The following EXOG variants were observed in gnomAD, a reference collection of about 807,000 sequenced individuals.
EXOG encodes exo/endonuclease G, also known as nuclease EXOG, mitochondrial.
Under a neutral mutation model 25.8 loss-of-function variants are expected in EXOG, and 27 were observed. The observed-to-expected ratio is 1.05, with a 90% CI of 0.77 to 1.45. The LOEUF (loss-of-function observed/expected upper bound fraction) is 1.45, where lower values mean the gene tolerates loss of function less well. Among genes scored for constraint, EXOG ranks in the 40% most tolerant of loss-of-function variants. The pLI is 0.00. For synonymous variants in EXOG, 133 were observed against 167.0 expected (o/e 0.80, Z 1.57); for missense variants, 458 against 450.5 (o/e 1.02, Z -0.15).
At chr3:38,497,985 C>A in intron 2 of EXOG, 1 of 543,444 alleles carries the variant, frequency 1.8e-6, no homozygotes, top group Non-Finnish European at 3.1e-6. Context: ...CTGAAAATAC[C>A]CATATCTTGA....
intron 2 of EXOG, among the ~76,000 whole-genome samples, chr3:38,500,824 C>A (rs576282307): frequency 1.3e-5 from 2 of 152,174 alleles, no homozygotes; most frequent in African/African-American, 4.8e-5. Flanking sequence ...GAGCTCATAA[C>A]TTAAATGTTT....
chr3:38,506,946 GA>G lies in EXOG; in HGVS notation c.626del (p.Lys209ArgfsTer3). 1 of 1,551,444 alleles carries G rather than the reference GA, an allele frequency of 6.4e-7. No homozygotes were observed. The highest frequency in any genetic ancestry group is 8.9e-7 in the Non-Finnish European group (1 of 1,123,580). On this transcript the variant is annotated frameshift_variant, in exon 5 of 6. Coordinates refer to ENST00000287675, the MANE Select transcript of EXOG (RefSeq NM_005107.4). LOFTEE classifies it low-confidence loss of function (END_TRUNC). ...ACCTTACCTCAGACTAGAGGCGATGGAAAGAAAATAGTTAGTTACCAGGTAA... is the reference window on the plus strand; with the variant it reads ...ACCTTACCTCAGACTAGAGGCGATGGAAGAAAATAGTTAGTTACCAGGTAA... Reference protein sequence around the residue: ...PLTLPQTRGDGKKIVSYQVIG... With the variant: ...PLTLPQTRGDXKKIVSYQVIG...
chr3:38,524,612 C>A lies in EXOG; in HGVS notation c.*250C>A. The A allele has an allele frequency of 1.7e-6, 2 of 1,168,578 alleles. No homozygotes were observed. The highest frequency in any genetic ancestry group is 2.1e-6 in the Non-Finnish European group (2 of 947,282). 72.4% of individuals were successfully genotyped at this position (1,168,578 alleles called of 1,614,324 possible). ...CTGGGACTACAGGCACACACCATCA[C>A]CCTCAGCTACTAGTGGCTTTGCTTT... On this transcript the variant is annotated 3_prime_UTR_variant, in exon 6 of 6. Coordinates refer to ENST00000287675, the MANE Select transcript of EXOG (RefSeq NM_005107.4).
rs931827010 is a variant in EXOG, at chr3:38,525,708, C to T, written c.*1346C>T. On this transcript the variant is annotated 3_prime_UTR_variant, in exon 6 of 6. Transcript: ENST00000287675. ...CTATAATCTCAGCACTTTGGGAAAT[C>T]GAGGTGGGTGGATCGCTTGAGCCCA... 9.4e-5 allele frequency: 79 copies of T among 844,806 alleles called. No individual in the cohort carries two copies. The highest frequency in any genetic ancestry group is 1.2e-4 in the East Asian group (1 of 8,156). 52.3% of individuals were successfully genotyped at this position (844,806 alleles called of 1,614,324 possible).
chr3:38,521,695 C>T (rs778511083), intron 5 of EXOG, among the ~76,000 whole-genome samples: 1 of 152,180 alleles, frequency 6.6e-6, no homozygotes, highest in African/African-American at 2.4e-5. Context: ...CATCTGTGCC[C>T]TCAGTTCTGG....
chr3:38,523,840 G>GA, intron 5 of EXOG, 61 bp from the exon 6 acceptor site: 1 of 1,222,648 alleles, frequency 8.2e-7, no homozygotes, highest in Non-Finnish European at 1.1e-6. Context: ...GTATTTTTCA[G>GA]AAAAAATTTG....
chr3:38,514,664 A>G (rs980141277), intron 5 of EXOG, among the ~76,000 whole-genome samples: 2 of 151,998 alleles, frequency 1.3e-5, no homozygotes, highest in South Asian at 2.1e-4. Context: ...AGTCATCTAT[A>G]TATCTGTCCT....
chr3:38,501,540 T>C, intron 3 of EXOG, 46 bp downstream of exon 3: 2 of 1,567,952 alleles, frequency 1.3e-6, no homozygotes, highest in African/African-American at 2.7e-5. Context: ...GCTGATGTTA[T>C]GCATACAACA....
intron 2 of EXOG, 81 bp downstream of exon 2, chr3:38,497,859 AT>A: frequency 6.7e-7 from 1 of 1,486,004 alleles, no homozygotes; most frequent in Non-Finnish European, 9.1e-7. Flanking sequence ...GATTATTAAT[AT>A]TCTCAACCTT....
chr3:38,497,471 A>C (rs1439694349), intron 1 of EXOG, 158 bp from the exon 2 acceptor site: 2 of 1,356,690 alleles, frequency 1.5e-6, no homozygotes, highest in African/African-American at 3.0e-5. Flanking sequence ...AGTAATTGCA[A>C]AAATGAGATT....
At chr3:38,499,472 G>A (rs1052449717) in intron 2 of EXOG, among the ~76,000 whole-genome samples, 1 of 152,124 alleles carries the variant, frequency 6.6e-6, no homozygotes, top group African/African-American at 2.4e-5. Context: ...CAATAAAATA[G>A]AGCCAATTAA....
chr3:38,500,813 G>A (rs1559675113), intron 2 of EXOG, among the ~76,000 whole-genome samples: 2 of 152,178 alleles, frequency 1.3e-5, no homozygotes, highest in African/African-American at 4.8e-5. Context: ...ATTTCTGGGT[G>A]GAGCTCATAA....
Position 38,501,453 on chromosome 3 carries a change from C to T in EXOG, c.412C>T (p.Arg138Ter), listed in dbSNP as rs756034502. 3.1e-5 allele frequency: 50 copies of T among 1,613,688 alleles called. 1 individual carries two copies. The highest frequency in any genetic ancestry group is 1.1e-4 in the African/African-American group (8 of 74,860). The change falls in exon 3 of 6, where the codon CGA becomes TGA. Residue 138 changes from arginine to a stop codon, truncating the protein, a stop_gained. Transcript: ENST00000287675. LOFTEE classifies it high-confidence loss of function. The part of the protein sequence containing the change: ...NEDYVGSGWS[R>*]GHMAPAGNNK... ...AGATTATGTTGGAAGTGGGTGGTCA[C>T]GAGGACACATGGCTCCAGCAGGAAA...
chr3:38,497,791 A>G lies in EXOG; in HGVS notation c.313+13A>G. 6.3e-7 allele frequency: 1 copy of G among 1,584,992 alleles called. No homozygotes were observed. Among genetic ancestry groups the G allele is most frequent in the Non-Finnish European group, 8.5e-7 (1 of 1,172,148 alleles). On this transcript the variant is annotated intron_variant, in intron 2 of 5. Coordinates refer to ENST00000287675, the MANE Select transcript of EXOG (RefSeq NM_005107.4). Reference sequence around the variant, plus strand: ...AGCAAGATAATGGGTAGGTGGTTGGATAAAAAAACTGAAGTAACAGTATTT... The same window carrying G: ...AGCAAGATAATGGGTAGGTGGTTGGGTAAAAAAACTGAAGTAACAGTATTT...
intron 5 of EXOG, among the ~76,000 whole-genome samples, chr3:38,511,287 A>G (rs1383745230): frequency 6.6e-6 from 1 of 152,146 alleles, no homozygotes; most frequent in Non-Finnish European, 1.5e-5. Flanking sequence ...AGAGGCCTCT[A>G]ATGGGTTTCT....
At chr3:38,522,589 C>T (rs548879325) in intron 5 of EXOG, among the ~76,000 whole-genome samples, 1 of 152,354 alleles carries the variant, frequency 6.6e-6, no homozygotes, top group East Asian at 1.9e-4. Context: ...ACTGCAACCT[C>T]CACCTCCCGG....
At chr3:38,504,642 G>A (rs2060148188) in intron 4 of EXOG, among the ~76,000 whole-genome samples, 1 of 152,006 alleles carries the variant, frequency 6.6e-6, no homozygotes, top group Admixed American at 6.6e-5. Flanking sequence ...CACTATGTTG[G>A]CCAGGCTAGT....
In EXOG at chr3:38,525,648, A is replaced by T. The variant is rs2060851142; in HGVS notation, c.*1286A>T. 1 of 984,980 alleles carries T rather than the reference A, an allele frequency of 1.0e-6. No homozygotes were observed. Among genetic ancestry groups the T allele is most frequent in the African/African-American group, 1.7e-5 (1 of 57,236 alleles). 61.0% of individuals were successfully genotyped at this position (984,980 alleles called of 1,614,324 possible). ...TTTTGTTCTTAAGATTAAGAAACCT[A>T]TGAAGGATCTGCAGCCAGGCATGGT... On this transcript the variant is annotated 3_prime_UTR_variant, in exon 6 of 6. Coordinates refer to ENST00000287675, the MANE Select transcript of EXOG (RefSeq NM_005107.4).
intron 5 of EXOG, among the ~76,000 whole-genome samples, chr3:38,507,813 A>G (rs2060247421): frequency 6.6e-6 from 1 of 152,188 alleles, no homozygotes; most frequent in Admixed American, 6.5e-5. Context: ...TGTTTGAGTG[A>G]GGAAGAGGGA....
Sources: allele counts gnomAD v4.1 joint callset (sites outside exome capture counted in the v4.1 genomes callset), GRCh38; gene constraint gnomAD v4.1.1; transcripts MANE v1.5; gene names NCBI Gene and HGNC (gene_info 2026-07-23, HGNC 2026-07-21).